Variants in AAMDC observed in about 807,000 individuals in gnomAD.
AAMDC encodes the protein mth938 domain-containing protein.
A neutral mutation model predicts 15.5 loss-of-function variants in AAMDC; 16 were observed. The observed-to-expected ratio is 1.03, with a 90% confidence interval of 0.70 to 1.57. AAMDC has a LOEUF of 1.57. Among genes scored for constraint, AAMDC ranks in the 40% most tolerant of loss-of-function variants. AAMDC has a pLI of 0.00. For missense variants in AAMDC, 141 were observed against 144.9 expected (o/e 0.97, Z 0.14); for synonymous variants, 51 against 51.6 (o/e 0.99, Z 0.05).
intron 1 of AAMDC, among the ~76,000 whole-genome samples, chr11:77,825,684 T>C (rs1949136396): frequency 6.6e-6 from 1 of 151,782 alleles, no homozygotes. Context: ...AGTGTCTTAC[T>C]ACCCATTTTT....
chr11:77,902,726 C>T (rs1261851609), downstream of AAMDC, among the ~76,000 whole-genome samples: 1 of 152,166 alleles, frequency 6.6e-6, no homozygotes, highest in Non-Finnish European at 1.5e-5. Context: ...CATTTACAGA[C>T]TCCCTATCTG....
downstream of AAMDC, among the ~76,000 whole-genome samples, chr11:77,875,122 T>C (rs1007417729): frequency 6.6e-6 from 1 of 152,104 alleles, no homozygotes; most frequent in Non-Finnish European, 1.5e-5. Context: ...CTGAGTTCAA[T>C]CATCTCAAAG....
intron 2 of AAMDC, among the ~76,000 whole-genome samples, chr11:77,847,391 A>T (rs1203520342): frequency 1.3e-5 from 2 of 152,360 alleles, no homozygotes; most frequent in South Asian, 4.1e-4. Context: ...AGTTATGCCT[A>T]CAAAATTAGG....
downstream of AAMDC, chr11:77,877,199 A>C: frequency 1.8e-6 from 1 of 568,076 alleles, no homozygotes; most frequent in Non-Finnish European, 3.1e-6. Flanking sequence ...CAGGTTACTT[A>C]TTTCTCTCAA....
chr11:77,878,133 T>A (rs909491999), intron 5 of AAMDC, among the ~76,000 whole-genome samples: 1 of 152,040 alleles, frequency 6.6e-6, no homozygotes, highest in East Asian at 1.9e-4. Flanking sequence ...GAGGCCAAGG[T>A]GGGCAGATCA....
downstream of AAMDC, chr11:77,876,935 C>T (rs944853818): frequency 1.4e-6 from 1 of 702,924 alleles, no homozygotes; most frequent in African/African-American, 1.7e-5. Context: ...CATGGTTCTT[C>T]ATGTTTTTGT....
intron 1 of AAMDC, chr11:77,831,935 C>T: frequency 6.8e-6 from 1 of 147,044 alleles, no homozygotes; most frequent in Non-Finnish European, 1.5e-5. Context: ...GTCTTGAACT[C>T]CTGACCTCAA....
intron 5 of AAMDC, among the ~76,000 whole-genome samples, chr11:77,879,589 T>C (rs1358985563): frequency 6.6e-6 from 1 of 152,194 alleles, no homozygotes; most frequent in Non-Finnish European, 1.5e-5. Flanking sequence ...TAGGAAGTGG[T>C]TCGCCAAAAA....
intron 5 of AAMDC, among the ~76,000 whole-genome samples, chr11:77,899,788 T>C (rs7936105): frequency 0.44 from 67,321 of 151,904 alleles, 15,059 homozygotes; most frequent in African/African-American, 0.48. Context: ...GTGAAAGGAA[T>C]AGGAGGCAGA....
chr11:77,878,928 G>C (rs909812131), intron 5 of AAMDC: 3 of 1,604,692 alleles, frequency 1.9e-6, no homozygotes, highest in Non-Finnish European at 2.6e-6. Context: ...CTAGGCCACG[G>C]TTGGGAAGAC....
intron 1 of AAMDC, chr11:77,831,910 A>G (rs1949445994): frequency 8.0e-6 from 1 of 125,718 alleles, no homozygotes; most frequent in African/African-American, 3.2e-5. Flanking sequence ...AGGTTTCACC[A>G]TGTTGGCCAG....
chr11:77,861,574 AC>A (rs1179647918), intron 2 of AAMDC, among the ~76,000 whole-genome samples: 1 of 152,106 alleles, frequency 6.6e-6, no homozygotes, highest in Non-Finnish European at 1.5e-5. Context: ...GACTCAGAGG[AC>A]CTTCGTCCCC....
At chr11:77,862,584 G>A (rs1340848177) in intron 2 of AAMDC, among the ~76,000 whole-genome samples, 1 of 152,094 alleles carries the variant, frequency 6.6e-6, no homozygotes, top group East Asian at 1.9e-4. Flanking sequence ...AGGTTGAAGG[G>A]GTGTCCTTAT....
At chr11:77,832,473 T>C (rs1486645324) in intron 1 of AAMDC, among the ~76,000 whole-genome samples, 2 of 152,028 alleles carry the variant, frequency 1.3e-5, no homozygotes, top group Admixed American at 6.6e-5. Flanking sequence ...ATTACAGGCA[T>C]GCGCCACCAT....
At chr11:77,853,922 C>T (rs1950501780) in intron 2 of AAMDC, among the ~76,000 whole-genome samples, 1 of 151,662 alleles carries the variant, frequency 6.6e-6, no homozygotes, top group African/African-American at 2.4e-5. Context: ...GCCTGAGTGA[C>T]AGAGTGAGAC....
At chr11:77,890,212 G>T (rs183957306) in intron 5 of AAMDC, among the ~76,000 whole-genome samples, 79 of 152,308 alleles carry the variant, frequency 5.2e-4, no homozygotes, top group African/African-American at 1.7e-3. Context: ...CTCAGAACTA[G>T]TTCTCTGCAG....
At chr11:77,844,610 C>T (rs1342457909) in intron 2 of AAMDC, among the ~76,000 whole-genome samples, 1 of 152,164 alleles carries the variant, frequency 6.6e-6, no homozygotes, top group Admixed American at 6.5e-5. Context: ...AATCCTCCCA[C>T]CTTGGCCTCC....
intron 2 of AAMDC, among the ~76,000 whole-genome samples, chr11:77,850,066 G>C (rs1172547741): frequency 6.6e-6 from 1 of 152,134 alleles, no homozygotes; most frequent in Non-Finnish European, 1.5e-5. Flanking sequence ...ATAAATGTTT[G>C]CTGAATTGAA....
chr11:77,871,909 G>A (rs183952545), intron 3 of AAMDC, among the ~76,000 whole-genome samples: 1 of 152,322 alleles, frequency 6.6e-6, no homozygotes, highest in African/African-American at 2.4e-5. Flanking sequence ...TAGTAAGGAT[G>A]TAAATCCAAG....
Sources: allele counts gnomAD v4.1 joint callset (sites outside exome capture counted in the v4.1 genomes callset), GRCh38; gene constraint gnomAD v4.1.1; transcripts MANE v1.5; gene names NCBI Gene and HGNC (gene_info 2026-07-23, HGNC 2026-07-21).